Variants in GUCY2C observed in about 807,000 individuals in gnomAD.
GUCY2C encodes guanylate cyclase 2C.
GUCY2C carries 118 observed loss-of-function variants against 131.1 expected under a neutral mutation model. The observed-to-expected ratio is 0.90, with a 90% CI of 0.78 to 1.05. GUCY2C has a LOEUF of 1.05. GUCY2C is among the 50% of genes least tolerant of loss of function. GUCY2C has a pLI of 0.00. For synonymous variants in GUCY2C, 452 were observed against 457.8 expected, an observed-to-expected ratio of 0.99 and a Z score of 0.16; for missense variants, 1,161 against 1,304.4, an observed-to-expected ratio of 0.89 and a Z score of 1.69.
intron 20 of GUCY2C, among the ~76,000 whole-genome samples, chr12:14,628,156 A>G (rs539393390): frequency 6.6e-6 from 1 of 152,296 alleles, no homozygotes; most frequent in East Asian, 1.9e-4. Context: ...GTATCTAGAA[A>G]TTAATCTCAA....
At chr12:14,670,619 GGGAC>G (rs1305957476) in intron 9 of GUCY2C, among the ~76,000 whole-genome samples, 1 of 151,830 alleles carries the variant, frequency 6.6e-6, no homozygotes, top group East Asian at 2.0e-4. Context: ...ATTGAATCAT[GGGAC>G]CGGTCTTTCC....
intron 10 of GUCY2C, among the ~76,000 whole-genome samples, chr12:14,667,913 G>A (rs1471967436): frequency 6.7e-6 from 1 of 149,682 alleles, no homozygotes; most frequent in East Asian, 2.0e-4. Context: ...TACATCATAA[G>A]TTTTCCCATG....
At chr12:14,621,643 T>C (rs924371786) in intron 22 of GUCY2C, among the ~76,000 whole-genome samples, 3 of 152,230 alleles carry the variant, frequency 2.0e-5, no homozygotes, top group Non-Finnish European at 4.4e-5. Context: ...TCTTGTAGTA[T>C]GATTTTCTAT....
chr12:14,691,189 G>GAAAA (rs1171145955), intron 1 of GUCY2C, among the ~76,000 whole-genome samples: 1 of 152,128 alleles, frequency 6.6e-6, no homozygotes, highest in Non-Finnish European at 1.5e-5. Flanking sequence ...CGAAAACACT[G>GAAAA]ATACTTTATT....
At chr12:14,629,613 A>G (rs1947099337) in intron 19 of GUCY2C, among the ~76,000 whole-genome samples, 1 of 152,216 alleles carries the variant, frequency 6.6e-6, no homozygotes, top group Non-Finnish European at 1.5e-5. Context: ...GTTCATCTGC[A>G]TCTTGTTATT....
intron 1 of GUCY2C, among the ~76,000 whole-genome samples, chr12:14,695,118 G>T (rs985420568): frequency 1.3e-5 from 2 of 152,054 alleles, no homozygotes; most frequent in African/African-American, 2.4e-5. Flanking sequence ...AAAGTCACTT[G>T]TGCAATAATG....
At chr12:14,657,742 C>A (rs1213129481) in intron 11 of GUCY2C, among the ~76,000 whole-genome samples, 2 of 152,164 alleles carry the variant, frequency 1.3e-5, no homozygotes, top group Non-Finnish European at 2.9e-5. Context: ...GGAACAGTTT[C>A]ATCTCAAAAC....
At position 14,613,129 on chromosome 12, in the gene GUCY2C, G is replaced by C. The variant is rs1946684573; in HGVS notation, c.3210C>G (p.Ser1070Arg). Reference sequence around the variant, plus strand: ...ACCTCATTTAGGTTTAAAAATAGGTGCTCTCCTTGTCTGTGGTATTCAGCT... The same window carrying C: ...ACCTCATTTAGGTTTAAAAATAGGTCCTCTCCTTGTCTGTGGTATTCAGCT... ...YLQLNTTDKE[S>R]TYF Residue 1070 changes from serine to arginine, a missense_variant, in exon 27 of 27, where the codon AGC (serine) becomes AGG (arginine). Coordinates refer to ENST00000261170, the MANE Select transcript of GUCY2C (RefSeq NM_004963.4). This position sits in a 1 kb window ranked among gnomAD's most constrained non-coding sequence, Gnocchi z 4.9. 2.5e-6 allele frequency: 4 copies of C among 1,612,750 alleles called. No individual in the cohort carries two copies. The East Asian group carries it at 8.9e-5, about 36-fold the overall frequency.
At chr12:14,649,715 A>C (rs1189940409) in intron 15 of GUCY2C, among the ~76,000 whole-genome samples, 1 of 152,196 alleles carries the variant, frequency 6.6e-6, no homozygotes, top group Non-Finnish European at 1.5e-5. Flanking sequence ...AAATAAATAC[A>C]AATTTCTAGG....
intron 18 of GUCY2C, among the ~76,000 whole-genome samples, chr12:14,640,315 G>T (rs1454534903): frequency 1.3e-5 from 2 of 151,914 alleles, no homozygotes; most frequent in Non-Finnish European, 2.9e-5. Flanking sequence ...AAATTAGCCA[G>T]GTGTGGTGGT....
At chr12:14,634,014 T>G (rs564272207) in intron 19 of GUCY2C, among the ~76,000 whole-genome samples, 16 of 152,250 alleles carry the variant, frequency 1.1e-4, no homozygotes, top group Non-Finnish European at 2.4e-4. Flanking sequence ...GCAAGAGATT[T>G]AGACATTCAG....
Position 14,651,995 on chromosome 12 carries a change from A to G in GUCY2C, c.1569T>C (p.Gly523=). 1 of 1,603,244 alleles carries G rather than the reference A, an allele frequency of 6.2e-7. No individual in the cohort carries two copies. Among genetic ancestry groups the G allele is most frequent in the Non-Finnish European group, 8.5e-7 (1 of 1,170,534 alleles). ...CTATCTTCTGTTTTTCAGTGAAATTACCATCATTGTGCTTGAGATCTTTGA... is the reference window on the plus strand; with the variant it reads ...CTATCTTCTGTTTTTCAGTGAAATTGCCATCATTGTGCTTGAGATCTTTGA... ...VILKDLKHND[G]NFTEKQKIEL... The change falls in exon 14 of 27, where the codon GGT becomes GGC. Residue 523 remains glycine (G), a synonymous_variant. Coordinates refer to ENST00000261170, the MANE Select transcript of GUCY2C (RefSeq NM_004963.4).
At chr12:14,687,702 A>C (rs1362821674) in intron 2 of GUCY2C, among the ~76,000 whole-genome samples, 1 of 152,208 alleles carries the variant, frequency 6.6e-6, no homozygotes, top group Non-Finnish European at 1.5e-5. Flanking sequence ...TCCTCTCCTT[A>C]CAAATGAAAG....
In GUCY2C at chr12:14,656,502, T is replaced by C; in HGVS notation, c.1470+10A>G. 3 of 1,391,258 alleles carry C rather than the reference T, an allele frequency of 2.2e-6. No individual in the cohort carries two copies. Among genetic ancestry groups the C allele is most frequent in the Non-Finnish European group, 3.1e-6 (3 of 978,582 alleles). The allele number at this position is 1,391,258 out of a possible 1,614,324, so 86.2% of individuals were successfully genotyped here. On this transcript the variant is annotated intron_variant, in intron 12 of 26. Transcript: ENST00000261170. ...TGAACCCATTCTTCAACAGGTAAGG[T>C]AGGCTTTACCTTGAGGCTAACATGA...
intron 1 of GUCY2C, among the ~76,000 whole-genome samples, chr12:14,693,865 G>A (rs893451436): frequency 5.9e-5 from 9 of 152,346 alleles, no homozygotes; most frequent in Non-Finnish European, 1.3e-4. Context: ...TTCAAATTCA[G>A]ATTGTATGCA....
chr12:14,619,239 T>C lies in GUCY2C; in HGVS notation c.2847A>G (p.Thr949=). The part of the protein sequence containing the change: ...RYCLFGDTVN[T]ASRMESTGLP... ...GGCCAGTGGATTCCATCCTAGAGGC[T>C]GTGTTGACCGTATCTCCAAATAGAC... The change falls in exon 24 of 27, where the codon ACA becomes ACG. Residue 949 remains threonine, a synonymous_variant. Transcript: ENST00000261170. 1 of 1,610,088 alleles carries C rather than the reference T, an allele frequency of 6.2e-7. No homozygotes were observed.
chr12:14,662,450 C>T (rs774840252), intron 10 of GUCY2C, among the ~76,000 whole-genome samples: 6 of 151,780 alleles, frequency 4.0e-5, no homozygotes, highest in Admixed American at 3.3e-4. Flanking sequence ...GCTGAGGGGC[C>T]GATCACCTGA....
In GUCY2C at chr12:14,628,652, AT is replaced by A; in HGVS notation, c.2242del (p.Ile748TyrfsTer17). 6.6e-7 allele frequency: 1 copy of A among 1,513,626 alleles called. No homozygotes were observed. Among genetic ancestry groups the A allele is most frequent in the Non-Finnish European group, 9.2e-7 (1 of 1,088,582 alleles). The allele number at this position is 1,513,626 out of a possible 1,614,324, so 93.8% of individuals were successfully genotyped here. A position where few individuals can be genotyped will look rare whatever the true frequency, so the allele number is the denominator to read the frequency against. Reference sequence around the variant, plus strand: ...GTAAACATTTCAGCAATACCCAAATATCTTGGCAAGTGTAGTCTCAATTTTT... The same window carrying A: ...GTAAACATTTCAGCAATACCCAAATACTTGGCAAGTGTAGTCTCAATTTTT... ...FKKIETTLAK[I>X]FGLFHDQKNE... On this transcript the variant is annotated frameshift_variant, in exon 20 of 27. Coordinates refer to ENST00000261170, the MANE Select transcript of GUCY2C (RefSeq NM_004963.4). LOFTEE classifies it high-confidence loss of function.
At chr12:14,646,839 C>T (rs533558888) in intron 15 of GUCY2C, among the ~76,000 whole-genome samples, 32 of 152,070 alleles carry the variant, frequency 2.1e-4, no homozygotes, top group African/African-American at 6.8e-4. Context: ...TTATAAGGGA[C>T]CTGTTATAGG....
Sources: allele counts gnomAD v4.1 joint callset (sites outside exome capture counted in the v4.1 genomes callset), GRCh38; gene constraint gnomAD v4.1.1; non-coding constraint Gnocchi (gnomAD v3.1); transcripts MANE v1.5; gene names NCBI Gene and HGNC (gene_info 2026-07-23, HGNC 2026-07-21).